RFC2: variants seen among roughly 807,000 people sequenced by gnomAD.
The protein encoded by RFC2 is A1 40 kDa subunit.
RFC2 carries 34 observed loss-of-function variants against 44.8 expected under a neutral mutation model. That is an observed-to-expected ratio of 0.76 (90% CI 0.58 to 1.01). The LOEUF is 1.01. Among genes scored for constraint, RFC2 ranks in the 50% least tolerant of loss-of-function variants. The pLI is 0.00. For missense variants in RFC2, 400 were observed against 453.6 expected, an observed-to-expected ratio of 0.88 and a Z score of 1.07; for synonymous variants, 177 against 168.9, an observed-to-expected ratio of 1.05 and a Z score of -0.37.
In RFC2 at chr7:74,238,421, T is replaced by C. The variant is rs1803143037; in HGVS notation, c.759+502A>G. Among the ~76,000 whole-genome samples the C allele has an allele frequency of 6.6e-6, 1 of 152,054 alleles. No individual in the cohort carries two copies. Among genetic ancestry groups the C allele is most frequent in the Non-Finnish European group, 1.5e-5 (1 of 68,004 alleles). On this transcript the variant is annotated intron_variant, in intron 8 of 10. Coordinates refer to ENST00000055077, the MANE Select transcript of RFC2 (RefSeq NM_181471.3). This position sits in a 1 kb window ranked among gnomAD's most constrained non-coding sequence, Gnocchi z 4.0. ...ACATGGGAGAGTAAGTGAGAAACCTTTTCCTCAGCCTGGCTTTGAGGGTTA... is the reference window on the plus strand; with the variant it reads ...ACATGGGAGAGTAAGTGAGAAACCTCTTCCTCAGCCTGGCTTTGAGGGTTA...
chr7:74,245,788 C>T (rs1209092792), intron 5 of RFC2, among the ~76,000 whole-genome samples: 1 of 151,446 alleles, frequency 6.6e-6, no homozygotes, highest in Non-Finnish European at 1.5e-5. Flanking sequence ...AGGCCAGGCA[C>T]AGTGGCTCAC....
chr7:74,249,154 C>T (rs782064758), intron 3 of RFC2, 36 bp from the exon 4 acceptor site: 2 of 1,613,126 alleles, frequency 1.2e-6, no homozygotes, highest in Non-Finnish European at 8.5e-7. Context: ...CTTCAAACCA[C>T]CAGAAGGACC....
chr7:74,235,219 T>C (rs1802940945), intron 10 of RFC2, among the ~76,000 whole-genome samples: 1 of 152,196 alleles, frequency 6.6e-6, no homozygotes, highest in South Asian at 2.1e-4. Flanking sequence ...GTATTTTTAG[T>C]AGAGATGGGG....
chr7:74,240,071 A>T lies in RFC2; in HGVS notation c.560T>A (p.Val187Asp). 1 of 1,614,012 alleles carries T rather than the reference A, an allele frequency of 6.2e-7. No homozygotes were observed. Among genetic ancestry groups the T allele is most frequent in the Non-Finnish European group, 8.5e-7 (1 of 1,179,964 alleles). Residue 187 changes from valine to aspartate, a missense_variant, in exon 7 of 11, where the codon GTC becomes GAC. Val to Asp is a radical substitution (Grantham distance 152, BLOSUM62 -3). Coordinates refer to ENST00000055077, the MANE Select transcript of RFC2 (RefSeq NM_181471.3). ...IIEPIQSRCA[V>D]LRYTKLTDAQ... ...GTCGGTCAGCTTTGTGTACCGGAGGACTGCACAGCGGGACTGAATGGGCTC... is the reference window on the plus strand; with the variant it reads ...GTCGGTCAGCTTTGTGTACCGGAGGTCTGCACAGCGGGACTGAATGGGCTC...
chr7:74,232,091 A>C lies in RFC2; in HGVS notation c.*15T>G. 6.7e-7 allele frequency: 1 copy of C among 1,490,206 alleles called. No individual in the cohort carries two copies. Among genetic ancestry groups the C allele is most frequent in the Non-Finnish European group, 9.4e-7 (1 of 1,068,582 alleles). 92.3% of individuals were successfully genotyped at this position (1,490,206 alleles called of 1,614,324 possible). A position where few individuals can be genotyped will look rare whatever the true frequency, so the allele number is the denominator to read the frequency against. ...AGAATAGGGCACCTGTAAGTCAGTC[A>C]GTGAAGTCTCTGCTCTAACTGGCCA... is the stretch of plus-strand genomic sequence containing the variant. On this transcript the variant is annotated 3_prime_UTR_variant, in exon 11 of 11. Transcript: ENST00000055077.
At chr7:74,249,928 G>A in intron 2 of RFC2, 148 bp from the exon 3 acceptor site, 4 of 719,514 alleles carry the variant, frequency 5.6e-6, no homozygotes, top group South Asian at 1.5e-5. Context: ...GGAGGCCAAG[G>A]CAGGACAATC....
In RFC2 at chr7:74,249,767, T is replaced by C. The variant is rs1554720747; in HGVS notation, c.197A>G (p.Glu66Gly). The change falls in exon 3 of 11, where the codon GAA becomes GGA. Residue 66 changes from glutamate (E) to glycine (G), a missense_variant. By Grantham distance (98) the Glu-to-Gly change is moderately conservative (BLOSUM62 -2). Coordinates refer to ENST00000055077, the MANE Select transcript of RFC2 (RefSeq NM_181471.3). The part of the protein sequence containing the change: ...TVSRLEVFAR[E>G]GNVPNIIIAG... ...AATGATGATGTTGGGCACATTTCCTTCCCTTGCAAAGACCTACGGCGAAAA... is the reference window on the plus strand; with the variant it reads ...AATGATGATGTTGGGCACATTTCCTCCCCTTGCAAAGACCTACGGCGAAAA... The C allele has an allele frequency of 9.9e-6, 16 of 1,613,670 alleles. No individual in the cohort carries two copies. Among genetic ancestry groups the C allele is most frequent in the Non-Finnish European group, 1.4e-5 (16 of 1,179,772 alleles).
At position 74,232,042 on chromosome 7, in the gene RFC2, A is replaced by T; in HGVS notation, c.*64T>A. On this transcript the variant is annotated 3_prime_UTR_variant, in exon 11 of 11. Transcript: ENST00000055077. Reference sequence around the variant, plus strand: ...GCCTAAGGCGGCATTTTCCCCCATCAGAAAGCCGCGGCTCCTGTACCTCAG... The same window carrying T: ...GCCTAAGGCGGCATTTTCCCCCATCTGAAAGCCGCGGCTCCTGTACCTCAG... 1.0e-6 allele frequency: 1 copy of T among 977,566 alleles called. No homozygotes were observed. Among genetic ancestry groups the T allele is most frequent in the Non-Finnish European group, 1.6e-6 (1 of 616,236 alleles). The allele number at this position is 977,566 out of a possible 1,614,324, so 60.6% of individuals were successfully genotyped here.
intron 5 of RFC2, among the ~76,000 whole-genome samples, chr7:74,245,191 G>A (rs1218792024): frequency 6.6e-6 from 1 of 151,660 alleles, no homozygotes; most frequent in African/African-American, 2.4e-5. Context: ...CACCACACCT[G>A]GCTAATTTTG....
chr7:74,249,424 C>G (rs1236953871), intron 3 of RFC2, among the ~76,000 whole-genome samples: 2 of 151,986 alleles, frequency 1.3e-5, no homozygotes, highest in Non-Finnish European at 2.9e-5. Flanking sequence ...ACCTGTAATC[C>G]CAGCTAGTCG....
rs1281833446 is a variant in RFC2, at chr7:74,245,540, G to A, written c.434+1122C>T. On this transcript the variant is annotated intron_variant, in intron 5 of 10. Coordinates refer to ENST00000055077, the MANE Select transcript of RFC2 (RefSeq NM_181471.3). ...ATCCTGGCTAACACAGTGAAACCCC[G>A]TCTCTACTAAAAATACAAAAAAATT... 7.7e-5 allele frequency among the ~76,000 whole-genome samples: 11 copies of A among 143,194 alleles called. 1 individual carries two copies. Among genetic ancestry groups the A allele is most frequent in the East Asian group, 2.3e-4 (1 of 4,420 alleles). The allele number at this position is 143,194 out of a possible 152,430, so 93.9% of individuals were successfully genotyped here. A position where few individuals can be genotyped will look rare whatever the true frequency, so the allele number is the denominator to read the frequency against.
chr7:74,233,089 C>T (rs1415775523), intron 10 of RFC2, among the ~76,000 whole-genome samples: 1 of 150,760 alleles, frequency 6.6e-6, no homozygotes, highest in Non-Finnish European at 1.5e-5. Flanking sequence ...CACATGCCTG[C>T]AGTCCCAGCT....
Position 74,238,620 on chromosome 7 carries a change from T to C in RFC2, c.759+303A>G, listed in dbSNP as rs782572601. Among the ~76,000 whole-genome samples the C allele has an allele frequency of 9.2e-5, 14 of 152,122 alleles. No homozygotes were observed. The highest frequency in any genetic ancestry group is 1.3e-4 in the Non-Finnish European group (9 of 68,012). On this transcript the variant is annotated intron_variant, in intron 8 of 10. Transcript: ENST00000055077. The surrounding 1 kb of genome is among the most constrained non-coding windows in gnomAD (Gnocchi z 4.0). ...CCCACAATGTGATGGTGAGAACCTC[T>C]GTGCAGGGAAGTCGCTGGGATCAAA...
At chr7:74,243,064 A>AAG (rs1473104615) in intron 6 of RFC2, 82 bp downstream of exon 6, 1 of 896,374 alleles carries the variant, frequency 1.1e-6, no homozygotes, top group Non-Finnish European at 1.8e-6. Flanking sequence ...AGCCTGAGCG[A>AAG]AGAGGGAGAC....
intron 10 of RFC2, chr7:74,233,775 C>G (rs1288000548): frequency 4.4e-6 from 2 of 455,996 alleles, no homozygotes; most frequent in Non-Finnish European, 8.8e-6. Flanking sequence ...CATTACACAC[C>G]TATTAGAATG....
intron 6 of RFC2, among the ~76,000 whole-genome samples, chr7:74,242,727 A>G (rs1331381148): frequency 6.7e-6 from 1 of 148,778 alleles, no homozygotes; most frequent in Non-Finnish European, 1.5e-5. Flanking sequence ...CAGCCTGGCC[A>G]ACATGGTGAA....
At chr7:74,239,044 T>TTATTTATTTCTTTTTGAGCCCAGTTA in intron 7 of RFC2, 56 bp from the exon 8 acceptor site, 1 of 1,433,478 alleles carries the variant, frequency 7.0e-7, no homozygotes, top group Non-Finnish European at 9.8e-7. Flanking sequence ...TCTTTTTGAG[T>TTATTTATTTCTTTTTGAGCCCAGTTA]AGAGACAGGA....
intron 9 of RFC2, among the ~76,000 whole-genome samples, chr7:74,235,966 AATGTGTTAAG>A (rs1191597850): frequency 6.6e-6 from 1 of 152,152 alleles, no homozygotes; most frequent in Non-Finnish European, 1.5e-5. Context: ...GCCTATCGCA[AATGTGTTAAG>A]CTGTGTTGCA....
At chr7:74,235,731 C>T in intron 9 of RFC2, 86 bp from the exon 10 acceptor site, 4 of 897,892 alleles carry the variant, frequency 4.5e-6, no homozygotes, top group Non-Finnish European at 7.5e-6. Context: ...GCTGGTGGGG[C>T]CCACCCTTCA....
Sources: allele counts gnomAD v4.1 joint callset (sites outside exome capture counted in the v4.1 genomes callset), GRCh38; gene constraint gnomAD v4.1.1; non-coding constraint Gnocchi (gnomAD v3.1); transcripts MANE v1.5; gene names NCBI Gene and HGNC (gene_info 2026-07-23, HGNC 2026-07-21).